Variants in PBX3 observed in about 807,000 individuals in gnomAD.
The protein encoded by PBX3 is pre-B-cell leukemia transcription factor 3.
PBX3 carries 14 observed loss-of-function variants against 48.5 expected under a neutral mutation model. The ratio of observed to expected loss-of-function variants is 0.29; its 90% CI spans 0.19 to 0.45. The LOEUF (loss-of-function observed/expected upper bound fraction) is 0.45. Among genes scored for constraint, PBX3 ranks in the 20% least tolerant of loss-of-function variants. The probability of loss-of-function intolerance (pLI) is 1.00; values close to 1 mark genes in which losing one functional copy is unlikely to be tolerated. For missense variants in PBX3, 386 were observed against 546.7 expected (o/e 0.71, Z 2.93); for synonymous variants, 210 against 200.3 (o/e 1.05, Z -0.41).
chr9:125,895,532 G>A (rs1454297654), intron 2 of PBX3, among the ~76,000 whole-genome samples: 1 of 151,916 alleles, frequency 6.6e-6, no homozygotes, highest in East Asian at 1.9e-4. Flanking sequence ...AGCTTTTAGC[G>A]CTACAACGAA....
intron 2 of PBX3, among the ~76,000 whole-genome samples, chr9:125,861,510 T>C (rs568801352): frequency 4.3e-4 from 66 of 151,862 alleles, no homozygotes; most frequent in African/African-American, 1.5e-3. Flanking sequence ...AAAATATATC[T>C]GCAGAAAAAA....
intron 2 of PBX3, among the ~76,000 whole-genome samples, chr9:125,806,066 A>T (rs1159818122): frequency 1.3e-5 from 2 of 152,210 alleles, no homozygotes; most frequent in Non-Finnish European, 2.9e-5. Context: ...AGGAAGTGTC[A>T]GAGAGGTGGT....
At chr9:125,832,178 A>G (rs1253007282) in intron 2 of PBX3, among the ~76,000 whole-genome samples, 1 of 150,458 alleles carries the variant, frequency 6.6e-6, no homozygotes, top group Non-Finnish European at 1.5e-5. Context: ...ATTGTTATAA[A>G]TATATACTGG....
chr9:125,865,071 C>T lies in PBX3; in HGVS notation c.275-50615C>T, dbSNP rs906111362. Among the ~76,000 whole-genome samples, 5 of 152,346 alleles carry T rather than the reference C, an allele frequency of 3.3e-5. No individual in the cohort carries two copies. In the Middle Eastern group the frequency reaches 0.017, roughly 518 times the overall value. ...CTGTTCGGATTACTTCCTATGTATT[C>T]ATCCACATGACAAGCTGGGTAACTT... is the stretch of plus-strand genomic sequence containing the variant. On this transcript the variant is annotated intron_variant, in intron 2 of 8. Coordinates refer to ENST00000373489, the MANE Select transcript of PBX3 (RefSeq NM_006195.6).
At chr9:125,844,084 G>A (rs1199813141) in intron 2 of PBX3, among the ~76,000 whole-genome samples, 1 of 152,016 alleles carries the variant, frequency 6.6e-6, no homozygotes, top group Non-Finnish European at 1.5e-5. Context: ...ATAAATTCTA[G>A]AAAATGCAAT....
At chr9:125,882,957 C>T (rs1307329993) in intron 2 of PBX3, among the ~76,000 whole-genome samples, 1 of 152,114 alleles carries the variant, frequency 6.6e-6, no homozygotes, top group East Asian at 1.9e-4. Context: ...GACAGAAGGT[C>T]CATTTACATA....
chr9:125,858,445 A>G (rs1347921966), intron 2 of PBX3, among the ~76,000 whole-genome samples: 3 of 152,196 alleles, frequency 2.0e-5, no homozygotes, highest in Non-Finnish European at 4.4e-5. Context: ...TGTAAAAGGT[A>G]ACAAGGGGAT....
At chr9:125,943,216 C>T (rs1259970558) in intron 5 of PBX3, among the ~76,000 whole-genome samples, 2 of 151,482 alleles carry the variant, frequency 1.3e-5, no homozygotes, top group South Asian at 2.1e-4. Flanking sequence ...ATTAGCCGGG[C>T]GTGGTGGCAC....
intron 2 of PBX3, among the ~76,000 whole-genome samples, chr9:125,783,378 C>T (rs565693525): frequency 1.1e-3 from 167 of 152,198 alleles, no homozygotes; most frequent in Admixed American, 2.7e-3. Flanking sequence ...ACCTCTGCCT[C>T]CTGGGTTCAA....
Position 125,929,704 on chromosome 9 carries a change from G to A in PBX3, c.566G>A (p.Ser189Asn). ...THVMNLLREQ[S>N]RTRPISPKEI... ...GTGATGAACCTTCTCCGAGAACAGA[G>A]TAGAACACGTCCCATTTCTCCAAAA... The change falls in exon 4 of 9, where the codon AGT becomes AAT. Residue 189 changes from serine to asparagine, a missense_variant. Ser to Asn is a conservative substitution (Grantham distance 46). This residue lies in a region of PBX3 where 74 missense variants were observed against 206.1 expected (regional missense o/e 0.36). Transcript: ENST00000373489. 6.2e-7 allele frequency: 1 copy of A among 1,613,886 alleles called. No homozygotes were observed. Among genetic ancestry groups the A allele is most frequent in the Non-Finnish European group, 8.5e-7 (1 of 1,179,924 alleles).
intron 2 of PBX3, among the ~76,000 whole-genome samples, chr9:125,870,955 C>T (rs1235530976): frequency 6.6e-6 from 1 of 152,132 alleles, no homozygotes; most frequent in Non-Finnish European, 1.5e-5. Context: ...CAGCTTGGAA[C>T]ATTACCTAGC....
chr9:125,920,813 C>T (rs1841441217), intron 3 of PBX3, among the ~76,000 whole-genome samples: 1 of 152,134 alleles, frequency 6.6e-6, no homozygotes, highest in African/African-American at 2.4e-5. Context: ...GTGCTCAGGA[C>T]CAATCAGGTA....
At chr9:125,887,256 G>A (rs1331973314) in intron 2 of PBX3, among the ~76,000 whole-genome samples, 1 of 152,136 alleles carries the variant, frequency 6.6e-6, no homozygotes, top group African/African-American at 2.4e-5. Flanking sequence ...ATGAAAAGCA[G>A]TGTGCTCTGT....
chr9:125,858,622 ATTTTT>A (rs36077474), intron 2 of PBX3, among the ~76,000 whole-genome samples: 13 of 117,802 alleles, frequency 1.1e-4, no homozygotes, highest in Non-Finnish European at 2.2e-4. Context: ...ACTTTGGTCC[ATTTTT>A]TTTTTTTTTT....
intron 2 of PBX3, among the ~76,000 whole-genome samples, chr9:125,771,412 T>G (rs1564645976): frequency 6.6e-6 from 1 of 152,220 alleles, no homozygotes; most frequent in Non-Finnish European, 1.5e-5. Flanking sequence ...ATAGCAGACA[T>G]TATAACTATG....
chr9:125,792,779 A>G (rs1269858100), intron 2 of PBX3, among the ~76,000 whole-genome samples: 1 of 150,908 alleles, frequency 6.6e-6, no homozygotes, highest in Non-Finnish European at 1.5e-5. Context: ...GCTCACTGCA[A>G]CCTCCGCCTC....
Position 125,932,841 on chromosome 9 carries a change from C to G in PBX3, c.708-2631C>G, listed in dbSNP as rs138959449. Among the ~76,000 whole-genome samples, 11 of 152,242 alleles carry G rather than the reference C, an allele frequency of 7.2e-5. No individual in the cohort carries two copies. In the East Asian group the frequency reaches 2.1e-3, roughly 29 times the overall value. On this transcript the variant is annotated intron_variant, in intron 4 of 8. Coordinates refer to ENST00000373489, the MANE Select transcript of PBX3 (RefSeq NM_006195.6). ...CATGAAGAGAAAGTGTATTAACAGCCTAAAGTGAGCAGGGCCAGAATGAGA... is the reference window on the plus strand; with the variant it reads ...CATGAAGAGAAAGTGTATTAACAGCGTAAAGTGAGCAGGGCCAGAATGAGA...
At chr9:125,963,183 T>A (rs1564193977) in intron 8 of PBX3, 82 bp downstream of exon 8, 1 of 686,136 alleles carries the variant, frequency 1.5e-6, no homozygotes, top group Non-Finnish European at 2.4e-6. Context: ...CCATTTGACC[T>A]GGCTTCTCAT....
Position 125,780,468 on chromosome 9 carries a change from A to ACC in PBX3, c.274+31852_274+31853dup, listed in dbSNP as rs1268862329. 6.1e-5 allele frequency among the ~76,000 whole-genome samples: 3 copies of ACC among 49,220 alleles called. No individual in the cohort carries two copies. In the Admixed American group the frequency reaches 7.0e-4, roughly 11 times the overall value. The allele number at this position is 49,220 out of a possible 152,430, so 32.3% of individuals were successfully genotyped here. On this transcript the variant is annotated intron_variant, in intron 2 of 8. Transcript: ENST00000373489. The stretch of plus-strand genomic sequence containing the variant: ...GGGCGGCTGGCCGGGCGGGGGGCTG[A>ACC]CCCCCCCCACCTCCCTCCCGGACGG...
Sources: gnomAD v4.1 joint callset for allele counts (sites outside exome capture counted in the v4.1 genomes callset) on GRCh38, gnomAD v4.1.1 for gene constraint, gnomAD v4.1.1 regional missense constraint, MANE v1.5 for transcripts, NCBI Gene and HGNC (gene_info 2026-07-23, HGNC 2026-07-21) for gene names.